The following ARHGAP35 variants were observed in gnomAD, a reference collection of about 807,000 sequenced individuals.
The protein encoded by ARHGAP35 is rho GTPase-activating protein 35.
A neutral mutation model predicts 111.1 loss-of-function variants in ARHGAP35; 15 were observed. The ratio of observed to expected loss-of-function variants is 0.13; its 90% CI spans 0.09 to 0.21. ARHGAP35 has a LOEUF of 0.21. Among genes scored for constraint, ARHGAP35 ranks in the 10% least tolerant of loss-of-function variants. ARHGAP35 has a pLI of 1.00. For synonymous variants in ARHGAP35, 643 were observed against 710.3 expected, an observed-to-expected ratio of 0.91 and a Z score of 1.51; for missense variants, 1,262 against 1,873.0, an observed-to-expected ratio of 0.67 and a Z score of 6.02.
intron 3 of ARHGAP35, among the ~76,000 whole-genome samples, chr19:46,976,871 C>T (rs2056582588): frequency 6.6e-6 from 1 of 152,236 alleles, no homozygotes; most frequent in Non-Finnish European, 1.5e-5. Context: ...GTCTGTTCAT[C>T]TCACTCACAC....
At chr19:46,868,492 A>G (rs1261986643) in intron 1 of ARHGAP35, among the ~76,000 whole-genome samples, 2 of 152,222 alleles carry the variant, frequency 1.3e-5, no homozygotes, top group African/African-American at 2.4e-5. Flanking sequence ...CAGAGATTTG[A>G]GCACACAGTA....
chr19:46,948,756 C>G (rs967105618), intron 3 of ARHGAP35: 2 of 152,176 alleles, frequency 1.3e-5, no homozygotes, highest in African/African-American at 4.8e-5. Flanking sequence ...AGCCTGGAAG[C>G]TGGGATGGCA....
At chr19:46,886,890 T>C (rs1297364603) in intron 1 of ARHGAP35, among the ~76,000 whole-genome samples, 1 of 152,216 alleles carries the variant, frequency 6.6e-6, no homozygotes, top group Non-Finnish European at 1.5e-5. Context: ...TGATTTTGTC[T>C]TGACTTCTTG....
chr19:46,907,604 G>T (rs987789573), intron 1 of ARHGAP35, among the ~76,000 whole-genome samples: 2 of 151,572 alleles, frequency 1.3e-5, no homozygotes, highest in East Asian at 1.9e-4. Context: ...TCAGCCTCCC[G>T]AGTAGCTGGG....
At chr19:46,900,228 T>TTG (rs1264948966) in intron 1 of ARHGAP35, among the ~76,000 whole-genome samples, 2 of 149,232 alleles carry the variant, frequency 1.3e-5, no homozygotes, top group Non-Finnish European at 3.0e-5. Flanking sequence ...TTGGGTTTTT[T>TTG]TTTTTTTTTT....
chr19:46,892,908 A>G (rs764432574), intron 1 of ARHGAP35, among the ~76,000 whole-genome samples: 3 of 152,040 alleles, frequency 2.0e-5, no homozygotes, highest in Admixed American at 6.5e-5. Context: ...TTCTCCCAAC[A>G]TTTGTAAGTC....
At chr19:46,959,382 ATTTTATTTTATTAT>A in intron 3 of ARHGAP35, among the ~76,000 whole-genome samples, 1 of 150,434 alleles carries the variant, frequency 6.6e-6, no homozygotes, top group East Asian at 1.9e-4. Context: ...ATTTATTTTT[ATTTTATTTTATTAT>A]TTTTATTTTT....
intron 3 of ARHGAP35, among the ~76,000 whole-genome samples, chr19:46,961,934 A>AAGAG (rs757246560): frequency 6.6e-6 from 1 of 152,040 alleles, no homozygotes; most frequent in Non-Finnish European, 1.5e-5. Flanking sequence ...TGCCTCAAAA[A>AAGAG]AGAGAGAGAG....
intron 1 of ARHGAP35, among the ~76,000 whole-genome samples, chr19:46,879,826 C>A (rs1438361346): frequency 1.3e-5 from 2 of 149,586 alleles, no homozygotes; most frequent in African/African-American, 4.9e-5. Flanking sequence ...TGGCCAACCC[C>A]TGTGACCCCA....
rs2056241943 is a variant in ARHGAP35, at chr19:46,926,934, C to T, written c.3681+4578C>T. Among the ~76,000 whole-genome samples, 2 of 152,134 alleles carry T rather than the reference C, an allele frequency of 1.3e-5. No homozygotes were observed. The highest frequency in any genetic ancestry group is 1.3e-4 in the Admixed American group (2 of 15,270). ...GCTGGGGAATTGGACTGCTTGCTCCCCTGGGAGGGATGTTGAGTTTTGACA... is the reference window on the plus strand; with the variant it reads ...GCTGGGGAATTGGACTGCTTGCTCCTCTGGGAGGGATGTTGAGTTTTGACA... On this transcript the variant is annotated intron_variant, in intron 2 of 6. Coordinates refer to ENST00000672722, the MANE Select transcript of ARHGAP35 (RefSeq NM_004491.5). The surrounding 1 kb of genome is among the most constrained non-coding windows in gnomAD (Gnocchi z 4.1).
chr19:46,943,409 G>A (rs151213935), intron 3 of ARHGAP35, among the ~76,000 whole-genome samples: 16 of 152,222 alleles, frequency 1.1e-4, no homozygotes, highest in East Asian at 7.7e-4. Flanking sequence ...TTGGGCTTAC[G>A]GGCTCCATAG....
At chr19:46,948,552 G>A (rs1274099845) in intron 3 of ARHGAP35, 2 of 152,140 alleles carry the variant, frequency 1.3e-5, no homozygotes, top group Non-Finnish European at 2.9e-5. Context: ...TAGACCAGTA[G>A]GTCCATCCAT....
intron 1 of ARHGAP35, among the ~76,000 whole-genome samples, chr19:46,907,466 C>T (rs2056115323): frequency 7.2e-6 from 1 of 138,058 alleles, no homozygotes; most frequent in African/African-American, 2.7e-5. Context: ...CATTCTGTTT[C>T]TTAGCTTCTT....
Position 47,002,036 on chromosome 19 carries a change from A to T in ARHGAP35, c.*1348A>T, listed in dbSNP as rs1025111381. On this transcript the variant is annotated 3_prime_UTR_variant, in exon 7 of 7. Transcript: ENST00000672722. The stretch of plus-strand genomic sequence containing the variant: ...ACCACCACCCTAGCCCAGCCTTCCC[A>T]CTGCCCCAGGAAAAGCTCTTCTCCT... 1.3e-5 allele frequency: 2 copies of T among 152,914 alleles called. No individual in the cohort carries two copies. The highest frequency in any genetic ancestry group is 4.1e-4 in the South Asian group (2 of 4,862). 9.5% of individuals were successfully genotyped at this position (152,914 alleles called of 1,614,324 possible). A position where few individuals can be genotyped will look rare whatever the true frequency, so the allele number is the denominator to read the frequency against.
rs180891483 is a variant in ARHGAP35, at chr19:46,972,734, T to C, written c.3827-15255T>C. Among the ~76,000 whole-genome samples the C allele has an allele frequency of 5.6e-4, 86 of 152,348 alleles. 1 individual carries two copies. The highest frequency in any genetic ancestry group is 1.8e-3 in the African/African-American group (75 of 41,586). On this transcript the variant is annotated intron_variant, in intron 3 of 6. Transcript: ENST00000672722. ...CCAGGCCCTGTGCTAAGTGTTTCCA[T>C]GAGTCTCATTTAAGCCTCATAGCAA... is the stretch of plus-strand genomic sequence containing the variant.
At chr19:46,915,633 C>T (rs892429395) in intron 1 of ARHGAP35, among the ~76,000 whole-genome samples, 2 of 152,144 alleles carry the variant, frequency 1.3e-5, no homozygotes, top group African/African-American at 4.8e-5. Context: ...AGCCTAGGTT[C>T]CTACAGACAT....
At position 47,004,700 on chromosome 19, in the gene ARHGAP35, T is replaced by C. The variant is rs1176862125; in HGVS notation, c.*4012T>C. 1 of 152,686 alleles carries C rather than the reference T, an allele frequency of 6.5e-6. No individual in the cohort carries two copies. The highest frequency in any genetic ancestry group is 1.5e-5 in the Non-Finnish European group (1 of 68,052). The allele number at this position is 152,686 out of a possible 1,614,324, so 9.5% of individuals were successfully genotyped here. A position where few individuals can be genotyped will look rare whatever the true frequency, so the allele number is the denominator to read the frequency against. On this transcript the variant is annotated 3_prime_UTR_variant, in exon 7 of 7. Transcript: ENST00000672722. The stretch of plus-strand genomic sequence containing the variant: ...ATGGTATTGAAATGTGTTAGTAGTC[T>C]GGCTGTGTGCCCAAAATTCTGTTTC...
At chr19:46,866,105 T>C (rs1414548599) in intron 1 of ARHGAP35, among the ~76,000 whole-genome samples, 25 of 152,194 alleles carry the variant, frequency 1.6e-4, no homozygotes, top group Non-Finnish European at 3.7e-4. Context: ...CCTCCCAAAA[T>C]GCAGAGATTA....
intron 3 of ARHGAP35, among the ~76,000 whole-genome samples, chr19:46,983,606 CTTTTTT>C (rs11383795): frequency 1.4e-5 from 1 of 69,264 alleles, no homozygotes; most frequent in Non-Finnish European, 2.6e-5. Context: ...AATGTCCATT[CTTTTTT>C]TTTTTTTTTT....
Sources: allele counts gnomAD v4.1 joint callset (sites outside exome capture counted in the v4.1 genomes callset), GRCh38; gene constraint gnomAD v4.1.1; non-coding constraint Gnocchi (gnomAD v3.1); transcripts MANE v1.5; gene names NCBI Gene and HGNC (gene_info 2026-07-23, HGNC 2026-07-21).